WIPF3: variants seen among roughly 807,000 people sequenced by gnomAD.
The protein encoded by WIPF3 is WAS/WASL interacting protein family member 3.
Under a neutral mutation model 38.9 loss-of-function variants are expected in WIPF3, and 33 were observed. That is an observed-to-expected ratio of 0.85 (90% CI 0.64 to 1.14). The LOEUF (loss-of-function observed/expected upper bound fraction) is 1.14. Among genes scored for constraint, WIPF3 ranks in the 50% most tolerant of loss-of-function variants. WIPF3 has a pLI of 0.00. For missense variants in WIPF3, 711 were observed against 652.5 expected (o/e 1.09, Z -0.98); for synonymous variants, 324 against 269.3 (o/e 1.20, Z -1.99).
intron 7 of WIPF3, among the ~76,000 whole-genome samples, chr7:29,891,938 G>C (rs949981667): frequency 3.9e-5 from 6 of 152,140 alleles, no homozygotes; most frequent in African/African-American, 1.2e-4. Context: ...GGTGCATGTA[G>C]GAACCATCTG....
In WIPF3 at chr7:29,884,532, C is replaced by G. The variant is rs748980261; in HGVS notation, c.1038C>G (p.Pro346=). The G allele has an allele frequency of 1.8e-5, 29 of 1,591,842 alleles. No homozygotes were observed. The highest frequency in any genetic ancestry group is 1.4e-4 in the Admixed American group (8 of 57,402). The part of the protein sequence containing the change: ...PPQKAGAQAL[P]APPAPPGSQP... Reference sequence around the variant, plus strand: ...AGAAGGCCGGTGCGCAGGCCTTGCCCGCCCCGCCTGCCCCTCCGGGCTCCC... The same window carrying G: ...AGAAGGCCGGTGCGCAGGCCTTGCCGGCCCCGCCTGCCCCTCCGGGCTCCC... Residue 346 remains proline (P), a synonymous_variant, in exon 5 of 9, where the codon CCC becomes CCG. Coordinates refer to ENST00000242140, the MANE Select transcript of WIPF3 (RefSeq NM_001080529.3).
chr7:29,849,041 T>A (rs1785048549), intron 2 of WIPF3, among the ~76,000 whole-genome samples: 1 of 152,166 alleles, frequency 6.6e-6, no homozygotes, highest in Non-Finnish European at 1.5e-5. Context: ...TATTATATGC[T>A]TTTTAATTTA....
intron 2 of WIPF3, among the ~76,000 whole-genome samples, chr7:29,858,545 G>A (rs1324444506): frequency 6.6e-6 from 1 of 152,186 alleles, no homozygotes; most frequent in East Asian, 1.9e-4. Context: ...CTGTTACAAT[G>A]TACTTCCTCA....
rs570432697 is a variant in WIPF3 at position 29,822,348 on chromosome 7, C to G, written c.-57-12320C>G. ...GTGTTATAAGACTCATTGAAATGCA[C>G]ATTTGCATCTGTGCCTGCAAATAAT... On this transcript the variant is annotated intron_variant, in intron 1 of 8. Coordinates refer to ENST00000242140, the MANE Select transcript of WIPF3 (RefSeq NM_001080529.3). Among the ~76,000 whole-genome samples the G allele has an allele frequency of 2.0e-5, 3 of 152,254 alleles. No individual in the cohort carries two copies. The East Asian group carries it at 5.8e-4, about 29-fold the overall frequency.
At chr7:29,856,485 G>C (rs1031063292) in intron 2 of WIPF3, among the ~76,000 whole-genome samples, 4 of 151,922 alleles carry the variant, frequency 2.6e-5, no homozygotes, top group African/African-American at 9.7e-5. Flanking sequence ...AAAATTAGCC[G>C]AGCATGTTGG....
In WIPF3 at chr7:29,916,841, T is replaced by C. The variant is rs1169744692; in HGVS notation, c.*2325T>C. On this transcript the variant is annotated 3_prime_UTR_variant, in exon 9 of 9. Coordinates refer to ENST00000242140, the MANE Select transcript of WIPF3 (RefSeq NM_001080529.3). ...CTGAATTCACAACCCTTCGAGCTCA[T>C]GCTGGTGCACTGAGTCCCTTGGGCG... The C allele has an allele frequency of 6.6e-6, 1 of 152,196 alleles. No individual in the cohort carries two copies. Among genetic ancestry groups the C allele is most frequent in the Non-Finnish European group, 1.5e-5 (1 of 68,040 alleles). The allele number at this position is 152,196 out of a possible 1,614,324, so 9.4% of individuals were successfully genotyped here.
chr7:29,897,333 G>A (rs542790684), intron 7 of WIPF3, among the ~76,000 whole-genome samples: 6 of 152,296 alleles, frequency 3.9e-5, no homozygotes, highest in Non-Finnish European at 8.8e-5. Flanking sequence ...AATACCCAAA[G>A]TAGAATTGCT....
chr7:29,912,152 A>T (rs914684442), intron 8 of WIPF3, among the ~76,000 whole-genome samples: 2 of 152,182 alleles, frequency 1.3e-5, no homozygotes, highest in Non-Finnish European at 1.5e-5. Flanking sequence ...AGATAAACAA[A>T]TGGCCAATGA....
At chr7:29,869,749 A>C (rs1785462456) in intron 2 of WIPF3, among the ~76,000 whole-genome samples, 1 of 152,228 alleles carries the variant, frequency 6.6e-6, no homozygotes. Flanking sequence ...TAGAATTAAT[A>C]CTGGAATCGA....
At chr7:29,862,536 C>A (rs1785307621) in intron 2 of WIPF3, among the ~76,000 whole-genome samples, 1 of 152,214 alleles carries the variant, frequency 6.6e-6, no homozygotes, top group East Asian at 1.9e-4. Flanking sequence ...GTGGGCATAT[C>A]AAATTTTTAT....
intron 1 of WIPF3, among the ~76,000 whole-genome samples, chr7:29,824,876 G>T (rs1366646002): frequency 6.6e-6 from 1 of 152,136 alleles, no homozygotes; most frequent in African/African-American, 2.4e-5. Flanking sequence ...GGGAGCCAGG[G>T]CGTCAGAATC....
At chr7:29,840,495 G>A (rs1323778149) in intron 2 of WIPF3, among the ~76,000 whole-genome samples, 3 of 152,154 alleles carry the variant, frequency 2.0e-5, no homozygotes, top group Non-Finnish European at 4.4e-5. Context: ...GATGTTTTGT[G>A]TCACTCATGC....
intron 2 of WIPF3, among the ~76,000 whole-genome samples, chr7:29,852,545 A>C (rs1057327469): frequency 6.6e-6 from 1 of 152,256 alleles, no homozygotes; most frequent in Non-Finnish European, 1.5e-5. Flanking sequence ...AGAGCCAGAC[A>C]CCAAGAGAAT....
Position 29,884,093 on chromosome 7 carries a change from T to C in WIPF3, c.599T>C (p.Leu200Pro), listed in dbSNP as rs1433512085. 1 of 1,294,178 alleles carries C rather than the reference T, an allele frequency of 7.7e-7. No homozygotes were observed. Among genetic ancestry groups the C allele is most frequent in the Non-Finnish European group, 1.0e-6 (1 of 996,732 alleles). 80.2% of individuals were successfully genotyped at this position (1,294,178 alleles called of 1,614,324 possible). ...LPSSSPIKTPLVSPPGPLTKG... is the reference protein window; with the variant it reads ...LPSSSPIKTPPVSPPGPLTKG... ...TCTTCCTCCCCCATCAAAACTCCGC[T>C]TGTGTCCCCACCCGGCCCACTGACC... Residue 200 changes from leucine to proline, a missense_variant, in exon 5 of 9, where the codon CTT becomes CCT. By Grantham distance (98) the Leu-to-Pro change is moderately conservative. Coordinates refer to ENST00000242140, the MANE Select transcript of WIPF3 (RefSeq NM_001080529.3).
intron 2 of WIPF3, among the ~76,000 whole-genome samples, chr7:29,849,753 A>G (rs1045322135): frequency 3.3e-5 from 5 of 152,272 alleles, no homozygotes; most frequent in African/African-American, 1.2e-4. Context: ...TTATATATAC[A>G]TATTTGTTAA....
At chr7:29,845,131 A>G (rs1424543194) in intron 2 of WIPF3, among the ~76,000 whole-genome samples, 2 of 150,754 alleles carry the variant, frequency 1.3e-5, no homozygotes, top group Admixed American at 6.6e-5. Flanking sequence ...AACATATTGC[A>G]TATTGTCCTC....
Position 29,917,012 on chromosome 7 carries a change from CCTT to C in WIPF3, c.*2498_*2500del, listed in dbSNP as rs1422387316. The C allele has an allele frequency of 1.3e-5, 2 of 152,192 alleles. No individual in the cohort carries two copies. Among genetic ancestry groups the C allele is most frequent in the African/African-American group, 4.8e-5 (2 of 41,432 alleles). 9.4% of individuals were successfully genotyped at this position (152,192 alleles called of 1,614,324 possible). A position where few individuals can be genotyped will look rare whatever the true frequency, so the allele number is the denominator to read the frequency against. ...GTGTATTTTATATTTATTGATGTCT[CCTT>C]CCGCAGATTCATTTCTTTGTACTTA... On this transcript the variant is annotated 3_prime_UTR_variant, in exon 9 of 9. Transcript: ENST00000242140.
intron 1 of WIPF3, among the ~76,000 whole-genome samples, chr7:29,818,942 C>A (rs1332254414): frequency 6.6e-6 from 1 of 152,160 alleles, no homozygotes; most frequent in East Asian, 1.9e-4. Flanking sequence ...ATTAAAACAT[C>A]TTTGCATTTA....
chr7:29,858,112 C>T (rs1419681845), intron 2 of WIPF3, among the ~76,000 whole-genome samples: 1 of 152,140 alleles, frequency 6.6e-6, no homozygotes, highest in Non-Finnish European at 1.5e-5. Context: ...GCCATATTTT[C>T]TGCCAGTACA....
Sources: gnomAD v4.1 joint callset for allele counts (sites outside exome capture counted in the v4.1 genomes callset) on GRCh38, gnomAD v4.1.1 for gene constraint, MANE v1.5 for transcripts, NCBI Gene and HGNC (gene_info 2026-07-23, HGNC 2026-07-21) for gene names.